Variants in UBE2E2 observed in about 807,000 individuals in gnomAD.
UBE2E2 encodes the protein ubiquitin-conjugating enzyme E2 E2.
Under a neutral mutation model 24.7 loss-of-function variants are expected in UBE2E2, and 6 were observed. That is an observed-to-expected ratio of 0.24 (90% CI 0.13 to 0.48). UBE2E2 has a LOEUF of 0.48. Among genes scored for constraint, UBE2E2 ranks in the 20% least tolerant of loss-of-function variants. UBE2E2 has a pLI of 0.99. For missense variants in UBE2E2, 169 were observed against 245.0 expected, an observed-to-expected ratio of 0.69 and a Z score of 2.07; for synonymous variants, 104 against 83.6, an observed-to-expected ratio of 1.24 and a Z score of -1.33.
intron 3 of UBE2E2, among the ~76,000 whole-genome samples, chr3:23,456,671 T>C (rs936844562): frequency 2.6e-5 from 4 of 152,226 alleles, no homozygotes; most frequent in African/African-American, 7.2e-5. Context: ...TTTAAAAATA[T>C]TCAGTAAACT....
At chr3:23,234,780 C>A (rs372987108) in intron 3 of UBE2E2, among the ~76,000 whole-genome samples, 1 of 151,958 alleles carries the variant, frequency 6.6e-6, no homozygotes, top group African/African-American at 2.4e-5. Context: ...TGTTGTTAAG[C>A]GGTAAGAGTT....
chr3:23,218,407 C>T (rs1696539295), intron 3 of UBE2E2, among the ~76,000 whole-genome samples: 1 of 152,054 alleles, frequency 6.6e-6, no homozygotes, highest in African/African-American at 2.4e-5. Context: ...GACTGTATTA[C>T]ATCAAAGCCG....
intron 2 of UBE2E2, among the ~76,000 whole-genome samples, chr3:23,214,087 A>G (rs1696402213): frequency 6.6e-6 from 1 of 152,208 alleles, no homozygotes; most frequent in African/African-American, 2.4e-5. Flanking sequence ...CAAGAGACAT[A>G]CAACCATTTT....
At chr3:23,272,664 A>G (rs975242522) in intron 3 of UBE2E2, among the ~76,000 whole-genome samples, 2 of 151,990 alleles carry the variant, frequency 1.3e-5, no homozygotes, top group African/African-American at 2.4e-5. Flanking sequence ...CTATCTATCT[A>G]TATCTCAGAG....
rs563117558 is a variant in UBE2E2 at position 23,416,999 on chromosome 3, C to T, written c.228-82609C>T. ...CTTCCTTGCATTGGGTTAGAACATGCTCCTTTAGCTCGGAGGAATTTGTTT... is the reference window on the plus strand; with the variant it reads ...CTTCCTTGCATTGGGTTAGAACATGTTCCTTTAGCTCGGAGGAATTTGTTT... On this transcript the variant is annotated intron_variant, in intron 3 of 5. Coordinates refer to ENST00000396703, the MANE Select transcript of UBE2E2 (RefSeq NM_152653.4). 2.6e-5 allele frequency among the ~76,000 whole-genome samples: 4 copies of T among 152,290 alleles called. No individual in the cohort carries two copies. The South Asian group carries it at 8.3e-4, about 32-fold the overall frequency.
At chr3:23,353,316 A>G (rs1400964107) in intron 3 of UBE2E2, among the ~76,000 whole-genome samples, 8 of 152,002 alleles carry the variant, frequency 5.3e-5, no homozygotes, top group Admixed American at 2.0e-4. Flanking sequence ...TTCCCTTTGA[A>G]AACTGGCACA....
intron 3 of UBE2E2, among the ~76,000 whole-genome samples, chr3:23,300,094 C>G (rs1430737172): frequency 1.3e-5 from 2 of 152,114 alleles, no homozygotes; most frequent in Non-Finnish European, 2.9e-5. Flanking sequence ...TTATCAGAGA[C>G]TAGGATTGCA....
At chr3:23,264,032 G>A (rs943528194) in intron 3 of UBE2E2, among the ~76,000 whole-genome samples, 1 of 152,056 alleles carries the variant, frequency 6.6e-6, no homozygotes, top group East Asian at 1.9e-4. Context: ...ACTATGAGTC[G>A]GGTACATGAT....
chr3:23,486,376 T>G (rs755029465), intron 3 of UBE2E2, among the ~76,000 whole-genome samples: 6 of 152,120 alleles, frequency 3.9e-5, no homozygotes, highest in Non-Finnish European at 8.8e-5. Context: ...TAGAAGGTAT[T>G]ACAGTGTGTC....
intron 5 of UBE2E2, among the ~76,000 whole-genome samples, chr3:23,546,768 C>T (rs996618716): frequency 1.1e-4 from 16 of 151,786 alleles, no homozygotes; most frequent in Middle Eastern, 6.8e-3. Flanking sequence ...CCACCGCGCC[C>T]GGCAAGAACA....
At chr3:23,269,755 G>C (rs776597767) in intron 3 of UBE2E2, among the ~76,000 whole-genome samples, 1 of 152,188 alleles carries the variant, frequency 6.6e-6, no homozygotes, top group Non-Finnish European at 1.5e-5. Flanking sequence ...TTCATGGGTA[G>C]AGTGCAGGAA....
intron 3 of UBE2E2, among the ~76,000 whole-genome samples, chr3:23,459,314 C>A (rs983298096): frequency 6.6e-6 from 1 of 152,152 alleles, no homozygotes; most frequent in Admixed American, 6.5e-5. Flanking sequence ...CATAAACATT[C>A]TTCTCATTGA....
intron 3 of UBE2E2, among the ~76,000 whole-genome samples, chr3:23,442,903 T>C (rs1698338423): frequency 6.6e-6 from 1 of 152,222 alleles, no homozygotes; most frequent in African/African-American, 2.4e-5. Context: ...ATTATTTAAT[T>C]TTCTTTGATA....
intron 3 of UBE2E2, among the ~76,000 whole-genome samples, chr3:23,297,222 T>G (rs1377243581): frequency 1.3e-5 from 2 of 152,242 alleles, no homozygotes; most frequent in South Asian, 4.2e-4. Flanking sequence ...CTTTGTCAGA[T>G]GAGTAGGTTG....
chr3:23,347,788 G>A (rs770344586), intron 3 of UBE2E2, among the ~76,000 whole-genome samples: 10 of 152,072 alleles, frequency 6.6e-5, no homozygotes, highest in South Asian at 2.1e-4. Context: ...TACTACTTCT[G>A]TGTCTCAATT....
chr3:23,269,373 T>C (rs1208976384), intron 3 of UBE2E2, among the ~76,000 whole-genome samples: 1 of 152,136 alleles, frequency 6.6e-6, no homozygotes, highest in East Asian at 1.9e-4. Context: ...ACAAACCCGC[T>C]TGGAGTTGGC....
chr3:23,410,437 G>A (rs1428930217), intron 3 of UBE2E2, among the ~76,000 whole-genome samples: 1 of 152,152 alleles, frequency 6.6e-6, no homozygotes, highest in Non-Finnish European at 1.5e-5. Flanking sequence ...TAAAGATAGA[G>A]TGAGAGAGAA....
chr3:23,502,636 G>A (rs1699748758), intron 4 of UBE2E2, among the ~76,000 whole-genome samples: 2 of 152,114 alleles, frequency 1.3e-5, no homozygotes, highest in East Asian at 1.9e-4. Context: ...TCAGAGATGA[G>A]CTATTCTAGT....
At chr3:23,254,454 G>C (rs1249038616) in intron 3 of UBE2E2, among the ~76,000 whole-genome samples, 2 of 152,126 alleles carry the variant, frequency 1.3e-5, no homozygotes, top group African/African-American at 2.4e-5. Flanking sequence ...TAAGAAGCTG[G>C]TCCAGGCTAG....
Sources: gnomAD v4.1 joint callset for allele counts (sites outside exome capture counted in the v4.1 genomes callset) on GRCh38, gnomAD v4.1.1 for gene constraint, MANE v1.5 for transcripts, NCBI Gene and HGNC (gene_info 2026-07-23, HGNC 2026-07-21) for gene names.